BAHD1: variants seen among roughly 807,000 people sequenced by gnomAD.
BAHD1 encodes bromo adjacent homology domain containing 1.
BAHD1 carries 20 observed loss-of-function variants against 63.1 expected under a neutral mutation model. The ratio of observed to expected loss-of-function variants is 0.32; its 90% CI spans 0.22 to 0.46. The LOEUF (loss-of-function observed/expected upper bound fraction) is 0.46, where lower values mean the gene tolerates loss of function less well. BAHD1 is among the 20% of genes least tolerant of loss of function. BAHD1 has a pLI of 1.00. For synonymous variants in BAHD1, 408 were observed against 426.8 expected (o/e 0.96, Z 0.54); for missense variants, 939 against 1,071.8 (o/e 0.88, Z 1.73).
At position 40,463,856 on chromosome 15, in the gene BAHD1, C is replaced by T. The variant is rs371867016; in HGVS notation, c.1816-5C>T. On this transcript the variant is annotated splice_polypyrimidine_tract_variant and splice_region_variant and intron_variant, in intron 3 of 6. Transcript: ENST00000416165. ...GCCTATTTGTGTCATTGGTTTGTTG[C>T]CTAGGATGAGCCGGAGCCAGCCATC... The T allele has an allele frequency of 1.1e-5, 17 of 1,613,856 alleles. No homozygotes were observed. In the African/African-American group the frequency reaches 2.0e-4, roughly 19 times the overall value.
At chr15:40,457,210 T>C (rs946154178) in intron 1 of BAHD1, among the ~76,000 whole-genome samples, 3 of 152,240 alleles carry the variant, frequency 2.0e-5, no homozygotes, top group African/African-American at 7.2e-5. Flanking sequence ...TTCTCTTTGA[T>C]ACTTTCTTTT....
In BAHD1 at chr15:40,464,040, G is replaced by A; in HGVS notation, c.1975+20G>A. 1 of 1,612,570 alleles carries A rather than the reference G, an allele frequency of 6.2e-7. No homozygotes were observed. The highest frequency in any genetic ancestry group is 1.1e-5 in the South Asian group (1 of 90,958). ...AGTCAGGTACCTCTCCCTCTGGCTG[G>A]GGACCCAAGGGGCAGCTGCCTTCAG... On this transcript the variant is annotated intron_variant, in intron 4 of 6. Transcript: ENST00000416165.
At chr15:40,460,163 G>A (rs1893996637) in intron 2 of BAHD1, among the ~76,000 whole-genome samples, 1 of 152,164 alleles carries the variant, frequency 6.6e-6, no homozygotes, top group Non-Finnish European at 1.5e-5. Flanking sequence ...GCATTGCAGT[G>A]GTACAGGCCA....
In BAHD1 at chr15:40,441,188, C is replaced by T. The variant is rs895038321; in HGVS notation, c.-95C>T. 3.3e-5 allele frequency: 5 copies of T among 151,446 alleles called. No individual in the cohort carries two copies. The highest frequency in any genetic ancestry group is 1.2e-4 in the African/African-American group (5 of 41,446). The allele number at this position is 151,446 out of a possible 1,614,324, so 9.4% of individuals were successfully genotyped here. A position where few individuals can be genotyped will look rare whatever the true frequency, so the allele number is the denominator to read the frequency against. ...GTGGAGCCCGGGAATTGAGCGCCCC[C>T]GGGGGGTTCCAGCCGCCGGATTCCA... On this transcript the variant is annotated 5_prime_UTR_variant, in exon 1 of 7. Transcript: ENST00000416165.
At chr15:40,438,128 T>G (rs1893315124), upstream of BAHD1, among the ~76,000 whole-genome samples, 1 of 152,178 alleles carries the variant, frequency 6.6e-6, no homozygotes, top group African/African-American at 2.4e-5. Flanking sequence ...GGAAAGGTGA[T>G]GGGCCCCAGG....
In BAHD1 at chr15:40,459,361, C is replaced by T. The variant is rs950661069; in HGVS notation, c.897C>T (p.Pro299=). The part of the protein sequence containing the change: ...CGPSVQPSHQ[P]LSKALESPLG... The stretch of plus-strand genomic sequence containing the variant: ...CATCCGTCCAGCCATCTCATCAGCC[C>T]CTGAGCAAGGCTCTGGAGAGCCCTT... Residue 299 remains proline (P), a synonymous_variant, in exon 2 of 7, where the codon CCC becomes CCT. Transcript: ENST00000416165. 1 of 1,613,014 alleles carries T rather than the reference C, an allele frequency of 6.2e-7. No individual in the cohort carries two copies. Among genetic ancestry groups the T allele is most frequent in the Non-Finnish European group, 8.5e-7 (1 of 1,179,882 alleles).
At chr15:40,440,113 G>A (rs1379766923), upstream of BAHD1, 3 of 152,508 alleles carry the variant, frequency 2.0e-5, no homozygotes, top group African/African-American at 7.2e-5. Context: ...GGGTGTCAAG[G>A]ACTCACAGAC....
chr15:40,465,903 T>A (rs1431392956), intron 6 of BAHD1, 38 bp from the exon 7 acceptor site: 2 of 1,528,668 alleles, frequency 1.3e-6, no homozygotes, highest in African/African-American at 2.8e-5. Context: ...CCTGCAAAAG[T>A]GGCTGGAGTA....
Position 40,459,490 on chromosome 15 carries a change from G to C in BAHD1, c.1026G>C (p.Leu342=). The change falls in exon 2 of 7, where the codon CTG becomes CTC. Residue 342 remains leucine (L), a synonymous_variant. Coordinates refer to ENST00000416165, the MANE Select transcript of BAHD1 (RefSeq NM_014952.5). The part of the protein sequence containing the change: ...GEESPAPKQE[L]HQPSFPTPQL... Reference sequence around the variant, plus strand: ...AGTCACCTGCCCCTAAGCAGGAACTGCATCAGCCCTCTTTCCCCACACCTC... The same window carrying C: ...AGTCACCTGCCCCTAAGCAGGAACTCCATCAGCCCTCTTTCCCCACACCTC... The C allele has an allele frequency of 6.2e-7, 1 of 1,613,946 alleles. No individual in the cohort carries two copies.
rs1893911176 is a variant in BAHD1 at position 40,458,394 on chromosome 15, A to G, written c.-14-57A>G. On this transcript the variant is annotated intron_variant, in intron 1 of 6. Coordinates refer to ENST00000416165, the MANE Select transcript of BAHD1 (RefSeq NM_014952.5). The surrounding 1 kb of genome is among the most constrained non-coding windows in gnomAD (Gnocchi z 4.7). ...CTGGGTAGGCTGCAGTGGGAGAGAAAGCAGGCAGGAGCAGGCCAGAGAGGG... is the reference window on the plus strand; with the variant it reads ...CTGGGTAGGCTGCAGTGGGAGAGAAGGCAGGCAGGAGCAGGCCAGAGAGGG... 3.3e-6 allele frequency: 5 copies of G among 1,507,994 alleles called. No individual in the cohort carries two copies. The South Asian group carries it at 5.4e-5, about 16-fold the overall frequency. The allele number at this position is 1,507,994 out of a possible 1,614,324, so 93.4% of individuals were successfully genotyped here.
intron 3 of BAHD1, among the ~76,000 whole-genome samples, chr15:40,463,449 C>A (rs777121532): frequency 4.6e-5 from 7 of 152,216 alleles, no homozygotes; most frequent in Non-Finnish European, 7.3e-5. Flanking sequence ...TATAATTAAT[C>A]CCATTTTACA....
chr15:40,465,438 A>G lies in BAHD1; in HGVS notation c.2153+3A>G, dbSNP rs778171639. On this transcript the variant is annotated splice_donor_region_variant and intron_variant, in intron 6 of 6. Coordinates refer to ENST00000416165, the MANE Select transcript of BAHD1 (RefSeq NM_014952.5). ...CTGACTTTTGCCGAGTACTGCAGGT[A>G]GGTGGTTCCCTGCACCCTCTGGCTG... is the stretch of plus-strand genomic sequence containing the variant. 1.2e-6 allele frequency: 2 copies of G among 1,613,422 alleles called. No homozygotes were observed. Among genetic ancestry groups the G allele is most frequent in the Non-Finnish European group, 1.7e-6 (2 of 1,179,380 alleles).
chr15:40,459,918 A>G (rs769196707), intron 2 of BAHD1, 22 bp downstream of exon 2: 2 of 1,558,210 alleles, frequency 1.3e-6, no homozygotes, highest in Non-Finnish European at 1.7e-6. Context: ...TGGGCCCAAG[A>G]TGTACTGGGG....
chr15:40,439,282 TTAAG>T (rs1893339603), upstream of BAHD1, among the ~76,000 whole-genome samples: 1 of 152,188 alleles, frequency 6.6e-6, no homozygotes, highest in Admixed American at 6.5e-5. Flanking sequence ...GGCCCCTCCT[TTAAG>T]TGTGTCCCCC....
chr15:40,467,148 G>A lies in BAHD1; in HGVS notation c.*1018G>A, dbSNP rs679882. On this transcript the variant is annotated 3_prime_UTR_variant, in exon 7 of 7. Transcript: ENST00000416165. ...AAGAATCAACACTGTATCAGTCCACGGACCTGCTGAGCTGCAGCCACTTGC... is the reference window on the plus strand; with the variant it reads ...AAGAATCAACACTGTATCAGTCCACAGACCTGCTGAGCTGCAGCCACTTGC... 32,397 of 152,672 alleles carry A rather than the reference G, an allele frequency of 0.21. 9,741 individuals carry two copies. The highest frequency in any genetic ancestry group is 0.68 in the African/African-American group (28,069 of 41,492). 9.5% of individuals were successfully genotyped at this position (152,672 alleles called of 1,614,324 possible). A position where few individuals can be genotyped will look rare whatever the true frequency, so the allele number is the denominator to read the frequency against.
At chr15:40,438,771 C>A (rs866778903), upstream of BAHD1, among the ~76,000 whole-genome samples, 2 of 152,236 alleles carry the variant, frequency 1.3e-5, no homozygotes, top group African/African-American at 2.4e-5. Context: ...CCACTTAGGT[C>A]TCCTTCCCTG....
Position 40,466,202 on chromosome 15 carries a change from A to G in BAHD1, c.*72A>G. 7.8e-7 allele frequency: 1 copy of G among 1,283,674 alleles called. No individual in the cohort carries two copies. The highest frequency in any genetic ancestry group is 1.0e-6 in the Non-Finnish European group (1 of 968,710). 79.5% of individuals were successfully genotyped at this position (1,283,674 alleles called of 1,614,324 possible). On this transcript the variant is annotated 3_prime_UTR_variant, in exon 7 of 7. Coordinates refer to ENST00000416165, the MANE Select transcript of BAHD1 (RefSeq NM_014952.5). ...GGGTAGGGGGCACTGCTTGAAGCACAGCACTTGGTTAGGGGGCCACAGAGG... is the reference window on the plus strand; with the variant it reads ...GGGTAGGGGGCACTGCTTGAAGCACGGCACTTGGTTAGGGGGCCACAGAGG...
At chr15:40,439,094 T>C (rs1893335004), upstream of BAHD1, among the ~76,000 whole-genome samples, 1 of 152,206 alleles carries the variant, frequency 6.6e-6, no homozygotes, top group African/African-American at 2.4e-5. Context: ...CGGGAACCTC[T>C]GTCCTGTCCA....
intron 1 of BAHD1, among the ~76,000 whole-genome samples, chr15:40,443,512 G>C (rs1893458463): frequency 6.6e-6 from 1 of 152,206 alleles, no homozygotes; most frequent in Non-Finnish European, 1.5e-5. Context: ...ATGAAGGGGA[G>C]TTGCCCAAAT....
Sources: gnomAD v4.1 joint callset for allele counts (sites outside exome capture counted in the v4.1 genomes callset) on GRCh38, gnomAD v4.1.1 for gene constraint, Gnocchi (gnomAD v3.1) non-coding constraint, MANE v1.5 for transcripts, NCBI Gene and HGNC (gene_info 2026-07-23, HGNC 2026-07-21) for gene names.